Variants in CDH19 observed in about 807,000 individuals in gnomAD.
CDH19 encodes the protein cadherin 19.
A neutral mutation model predicts 64.2 loss-of-function variants in CDH19; 67 were observed. That is an observed-to-expected ratio of 1.04 (90% CI 0.86 to 1.28). The LOEUF (loss-of-function observed/expected upper bound fraction) is 1.28. Ranked by LOEUF, CDH19 falls within the 50% of genes most tolerant of loss-of-function variation. The pLI, the probability that CDH19 is intolerant of heterozygous loss-of-function variation, is 0.00. For synonymous variants in CDH19, 346 were observed against 319.3 expected, an observed-to-expected ratio of 1.08 and a Z score of -0.89; for missense variants, 1,030 against 929.0, an observed-to-expected ratio of 1.11 and a Z score of -1.41.
chr18:66,569,604 C>T (rs1288864992), intron 2 of CDH19, among the ~76,000 whole-genome samples: 1 of 151,646 alleles, frequency 6.6e-6, no homozygotes, highest in Non-Finnish European at 1.5e-5. Context: ...ATTAGTTCAT[C>T]ATTCATACTG....
chr18:66,541,800 T>A (rs1986896955), intron 7 of CDH19, among the ~76,000 whole-genome samples: 1 of 152,186 alleles, frequency 6.6e-6, no homozygotes, highest in Non-Finnish European at 1.5e-5. Flanking sequence ...AGTCATTAGC[T>A]AAAATATTTT....
At chr18:66,520,972 C>A (rs1985957855) in intron 9 of CDH19, among the ~76,000 whole-genome samples, 1 of 151,812 alleles carries the variant, frequency 6.6e-6, no homozygotes, top group Non-Finnish European at 1.5e-5. Flanking sequence ...TTTTAAGGTG[C>A]TTTATTAGAT....
Position 66,523,992 on chromosome 18 carries a change from G to A in CDH19, c.1458+5853C>T, listed in dbSNP as rs192538427. On this transcript the variant is annotated intron_variant, in intron 9 of 11. Coordinates refer to ENST00000262150, the MANE Select transcript of CDH19 (RefSeq NM_021153.4). Reference sequence around the variant, plus strand: ...GTATTGAGGCATGAATGTGCGCCACGAAGCATTAAATTGATCAGTGGCAGA... The same window carrying A: ...GTATTGAGGCATGAATGTGCGCCACAAAGCATTAAATTGATCAGTGGCAGA... Among the ~76,000 whole-genome samples the A allele has an allele frequency of 9.7e-4, 147 of 152,124 alleles. 1 individual carries two copies. Among genetic ancestry groups the A allele is most frequent in the Non-Finnish European group, 1.6e-3 (111 of 67,998 alleles).
Position 66,504,868 on chromosome 18 carries a change from G to T in CDH19, c.2263C>A (p.Pro755Thr), listed in dbSNP as rs777993875. Reference protein sequence around the residue: ...ESYDYLNELGPRFKRLACMFG... With the variant: ...ESYDYLNELGTRFKRLACMFG... The stretch of plus-strand genomic sequence containing the variant: ...ATGCATGCTAATCTTTTAAAGCGAG[G>T]TCCCAACTCATTAAGGTAATCATAG... The change falls in exon 12 of 12, where the codon CCT (proline) becomes ACT (threonine). Residue 755 changes from proline to threonine, a missense_variant. By Grantham distance (38) the Pro-to-Thr change is conservative. Coordinates refer to ENST00000262150, the MANE Select transcript of CDH19 (RefSeq NM_021153.4). 9.9e-6 allele frequency: 16 copies of T among 1,612,260 alleles called. No homozygotes were observed. The highest frequency in any genetic ancestry group is 1.3e-5 in the Non-Finnish European group (15 of 1,178,842).
chr18:66,567,131 G>T (rs1987940048), intron 3 of CDH19, among the ~76,000 whole-genome samples: 3 of 151,628 alleles, frequency 2.0e-5, no homozygotes, highest in African/African-American at 7.3e-5. Context: ...TTTCTTATTT[G>T]TATATAACTA....
intron 1 of CDH19, among the ~76,000 whole-genome samples, chr18:66,572,585 GGATTGACAGCTGACATTGAGAT>G (rs558557106): frequency 4.2e-4 from 63 of 151,722 alleles, no homozygotes; most frequent in African/African-American, 1.3e-3. Context: ...GGAGTCTCCT[GGATTGACAGCTGACATTGAGAT>G]AGACTTCCTT....
intron 9 of CDH19, among the ~76,000 whole-genome samples, chr18:66,513,974 AG>A (rs1321446547): frequency 6.6e-6 from 1 of 151,516 alleles, no homozygotes; most frequent in Non-Finnish European, 1.5e-5. Context: ...GTAAGCCCCA[AG>A]AATTGAAAAG....
intron 5 of CDH19, among the ~76,000 whole-genome samples, chr18:66,547,271 A>G (rs1383874780): frequency 6.6e-6 from 1 of 152,076 alleles, no homozygotes; most frequent in Non-Finnish European, 1.5e-5. Flanking sequence ...AGAAAAAGAA[A>G]AGTAGAAAAA....
At chr18:66,530,010 A>G (rs1287868384) in intron 8 of CDH19, 44 bp from the exon 9 acceptor site, 1 of 1,036,974 alleles carries the variant, frequency 9.6e-7, no homozygotes, top group South Asian at 2.0e-5. Flanking sequence ...ATATTTTAAT[A>G]TGTCTTTAGA....
In CDH19 at chr18:66,511,653, A is replaced by T; in HGVS notation, c.1491T>A (p.Asp497Glu). Reference protein sequence around the residue: ...VIQTISAVDRDESIEEHHFYF... With the variant: ...VIQTISAVDREESIEEHHFYF... The stretch of plus-strand genomic sequence containing the variant: ...AAAAATGGTGCTCTTCTATGGATTC[A>T]TCTCTATCCACTGCACTGATAGTCT... Residue 497 changes from aspartate to glutamate, a missense_variant, in exon 10 of 12, where the codon GAT (aspartate) becomes GAA (glutamate). Physicochemically the swap from Asp to Glu is conservative, Grantham distance 45. Transcript: ENST00000262150. 1 of 1,574,812 alleles carries T rather than the reference A, an allele frequency of 6.3e-7. No individual in the cohort carries two copies. The highest frequency in any genetic ancestry group is 8.7e-7 in the Non-Finnish European group (1 of 1,145,718).
chr18:66,528,246 C>A (rs1986300456), intron 9 of CDH19, among the ~76,000 whole-genome samples: 2 of 152,022 alleles, frequency 1.3e-5, no homozygotes, highest in Non-Finnish European at 2.9e-5. Context: ...TGTCCAATTT[C>A]TAAATATATA....
chr18:66,600,247 A>G (rs1989005053), intron 1 of CDH19, among the ~76,000 whole-genome samples: 1 of 151,880 alleles, frequency 6.6e-6, no homozygotes, highest in Non-Finnish European at 1.5e-5. Context: ...AGACAGCTAG[A>G]ATATGCTGTT....
rs1255472748 is a variant in CDH19, at chr18:66,529,934, A to T, written c.1369T>A (p.Tyr457Asn). Residue 457 changes from tyrosine (Y) to asparagine (N), a missense_variant, in exon 9 of 12, where the codon TAT becomes AAT. Transcript: ENST00000262150. ...NIEQISSIPL[Y>N]VQVLNINDHA... ...TCATTGATGTTAAGAACTTGCACAT[A>T]CAGTGGGATCGAAGAGATCTGTTCT... 46 of 1,567,094 alleles carry T rather than the reference A, an allele frequency of 2.9e-5. No homozygotes were observed. Among genetic ancestry groups the T allele is most frequent in the Non-Finnish European group, 3.8e-5 (43 of 1,144,552 alleles).
intron 3 of CDH19, among the ~76,000 whole-genome samples, chr18:66,556,098 T>G (rs917009383): frequency 1.3e-5 from 2 of 151,736 alleles, no homozygotes; most frequent in Non-Finnish European, 2.9e-5. Flanking sequence ...AAATATGTCA[T>G]ACAGTTAGGT....
At position 66,511,516 on chromosome 18, in the gene CDH19, TA is replaced by T; in HGVS notation, c.1576+51del. 6 of 770,774 alleles carry T rather than the reference TA, an allele frequency of 7.8e-6. 1 individual carries two copies. In the East Asian group the frequency reaches 1.5e-4, roughly 20 times the overall value. 47.7% of individuals were successfully genotyped at this position (770,774 alleles called of 1,614,324 possible). Reference sequence around the variant, plus strand: ...CCATGCCATAAATTCCATTAAAGTCTAACATGAGTCACAAAAATGTATCAAA... The same window carrying T: ...CCATGCCATAAATTCCATTAAAGTCTACATGAGTCACAAAAATGTATCAAA... On this transcript the variant is annotated intron_variant, in intron 10 of 11. Transcript: ENST00000262150.
intron 8 of CDH19, among the ~76,000 whole-genome samples, chr18:66,531,226 A>G (rs1986433653): frequency 6.6e-6 from 1 of 152,202 alleles, no homozygotes; most frequent in African/African-American, 2.4e-5. Context: ...TATTTGCATT[A>G]CATCCAAATT....
At chr18:66,520,744 A>C (rs1230429451) in intron 9 of CDH19, among the ~76,000 whole-genome samples, 1 of 152,008 alleles carries the variant, frequency 6.6e-6, no homozygotes, top group Non-Finnish European at 1.5e-5. Flanking sequence ...AATTCAAAGA[A>C]TTTTCCTTTA....
chr18:66,597,195 C>CTG (rs1988922795), intron 1 of CDH19, among the ~76,000 whole-genome samples: 1 of 114,352 alleles, frequency 8.7e-6, no homozygotes, highest in African/African-American at 2.8e-5. Context: ...AAGAACCACA[C>CTG]TACCTGACTT....
At chr18:66,590,864 G>C (rs1241535671) in intron 1 of CDH19, among the ~76,000 whole-genome samples, 1 of 151,942 alleles carries the variant, frequency 6.6e-6, no homozygotes, top group Non-Finnish European at 1.5e-5. Flanking sequence ...TAAGATGAAG[G>C]AGCATGGCAT....
Sources: allele counts gnomAD v4.1 joint callset (sites outside exome capture counted in the v4.1 genomes callset), GRCh38; gene constraint gnomAD v4.1.1; transcripts MANE v1.5; gene names NCBI Gene and HGNC (gene_info 2026-07-23, HGNC 2026-07-21).